Variants in SLC35F4 observed in about 807,000 individuals in gnomAD.
The protein encoded by SLC35F4 is solute carrier family 35 member F4.
Under a neutral mutation model 44.2 loss-of-function variants are expected in SLC35F4, and 24 were observed. That is an observed-to-expected ratio of 0.54 (90% CI 0.39 to 0.76). The LOEUF is 0.76. Among genes scored for constraint, SLC35F4 ranks in the 30% least tolerant of loss-of-function variants. The pLI, the probability that SLC35F4 is intolerant of heterozygous loss-of-function variation, is 0.00. For synonymous variants in SLC35F4, 238 were observed against 223.6 expected, an observed-to-expected ratio of 1.06 and a Z score of -0.57; for missense variants, 562 against 586.1, an observed-to-expected ratio of 0.96 and a Z score of 0.42.
intron 1 of SLC35F4, among the ~76,000 whole-genome samples, chr14:57,599,480 G>A (rs890432735): frequency 2.8e-4 from 42 of 152,306 alleles, no homozygotes; most frequent in Non-Finnish European, 1.5e-4. Context: ...AGAGGGTAGG[G>A]CAGTATTCAG....
At chr14:57,616,524 G>A (rs776253329) in intron 1 of SLC35F4, among the ~76,000 whole-genome samples, 1 of 152,170 alleles carries the variant, frequency 6.6e-6, no homozygotes. Flanking sequence ...ATTCCCCAAA[G>A]AGACTGACAA....
chr14:57,857,086 G>A (rs1034118174), intron 1 of SLC35F4, among the ~76,000 whole-genome samples: 3 of 151,878 alleles, frequency 2.0e-5, no homozygotes, highest in African/African-American at 7.3e-5. Context: ...GACCAGCCCG[G>A]CCAACATGGT....
At chr14:57,620,415 C>T (rs1038285530) in intron 1 of SLC35F4, among the ~76,000 whole-genome samples, 1 of 152,102 alleles carries the variant, frequency 6.6e-6, no homozygotes, top group African/African-American at 2.4e-5. Flanking sequence ...AATTTTCAAC[C>T]CAGAATTTCA....
At chr14:57,735,376 G>T (rs954499980) in intron 1 of SLC35F4, among the ~76,000 whole-genome samples, 9 of 152,198 alleles carry the variant, frequency 5.9e-5, no homozygotes, top group African/African-American at 2.2e-4. Context: ...TAATTCTGCA[G>T]GTTGGTGGAG....
chr14:57,880,981 G>C (rs1260953931), intron 1 of SLC35F4, among the ~76,000 whole-genome samples: 1 of 152,154 alleles, frequency 6.6e-6, no homozygotes, highest in Admixed American at 6.6e-5. Flanking sequence ...AATATAATCA[G>C]AGATTTGTTT....
At chr14:57,958,396 A>G (rs1436404123) in intron 1 of SLC35F4, among the ~76,000 whole-genome samples, 1 of 152,204 alleles carries the variant, frequency 6.6e-6, no homozygotes, top group Non-Finnish European at 1.5e-5. Context: ...CAGTGAAAGG[A>G]GCCAGTCACA....
At chr14:57,817,290 A>G (rs977433989) in intron 1 of SLC35F4, among the ~76,000 whole-genome samples, 1 of 152,098 alleles carries the variant, frequency 6.6e-6, no homozygotes, top group Non-Finnish European at 1.5e-5. Context: ...TGGGCCCTTG[A>G]GCCTTAGATG....
intron 1 of SLC35F4, among the ~76,000 whole-genome samples, chr14:57,932,566 G>C (rs551028126): frequency 6.6e-6 from 1 of 152,082 alleles, no homozygotes; most frequent in Non-Finnish European, 1.5e-5. Context: ...TAGAAATTTG[G>C]GACCAGGTGT....
chr14:57,844,177 G>A (rs1207535847), intron 1 of SLC35F4, among the ~76,000 whole-genome samples: 2 of 152,150 alleles, frequency 1.3e-5, no homozygotes, highest in Non-Finnish European at 1.5e-5. Context: ...CACATTTGAG[G>A]AATTTGGAAA....
At chr14:57,672,152 C>T (rs1037085535) in intron 1 of SLC35F4, among the ~76,000 whole-genome samples, 2 of 151,966 alleles carry the variant, frequency 1.3e-5, no homozygotes, top group Non-Finnish European at 2.9e-5. Flanking sequence ...TGAGGTGGAC[C>T]GAGTCACCTC....
rs572983436 is a variant in SLC35F4 at position 57,932,997 on chromosome 14, T to C, written n.282+48916A>G. Among the ~76,000 whole-genome samples, 78 of 151,874 alleles carry C rather than the reference T, an allele frequency of 5.1e-4. 1 individual carries two copies. The highest frequency in any genetic ancestry group is 7.9e-4 in the Non-Finnish European group (54 of 67,946). On this transcript the variant is annotated intron_variant and non_coding_transcript_variant, in intron 1 of 1. Coordinates refer to the SLC35F4 transcript ENST00000556568. The stretch of plus-strand genomic sequence containing the variant: ...TCATTCCCCCATTTTCCTGCTGAAA[T>C]CAACCTCGGAAGGTTAATAAGGGAA...
intron 1 of SLC35F4, among the ~76,000 whole-genome samples, chr14:57,712,231 A>G (rs2075833572): frequency 6.6e-6 from 1 of 152,206 alleles, no homozygotes; most frequent in African/African-American, 2.4e-5. Context: ...TCTGCTACTG[A>G]ATCCCTATTT....
intron 1 of SLC35F4, among the ~76,000 whole-genome samples, chr14:57,679,510 G>A (rs961488571): frequency 6.6e-6 from 1 of 151,892 alleles, no homozygotes; most frequent in African/African-American, 2.4e-5. Context: ...CAGAAGACAA[G>A]AAATAACTAA....
chr14:57,681,012 A>G (rs1415591885), intron 1 of SLC35F4, among the ~76,000 whole-genome samples: 1 of 151,824 alleles, frequency 6.6e-6, no homozygotes, highest in Non-Finnish European at 1.5e-5. Context: ...AGAATTGGAA[A>G]AAAACTACCT....
chr14:57,786,377 C>T (rs769060698), intron 1 of SLC35F4, among the ~76,000 whole-genome samples: 3 of 152,182 alleles, frequency 2.0e-5, no homozygotes, highest in African/African-American at 4.8e-5. Flanking sequence ...GGGAGTTCTA[C>T]GGCCCCGCCC....
chr14:57,594,007 A>C lies in SLC35F4; in HGVS notation c.221T>G (p.Ile74Ser). Residue 74 changes from isoleucine (I) to serine (S), a missense_variant, in exon 2 of 8, where the codon ATT (isoleucine) becomes AGT (serine). Physicochemically the swap from Ile to Ser is moderately radical, Grantham distance 142. Transcript: ENST00000556826. ...GGATCCTTGGTTTTGAAGTTCAAGA[A>C]TAGGAGCAGAGGAATCTTCGGTGAC... ...LSVTEDSSAP[I>S]LELQNQGSSG... 1 of 1,613,924 alleles carries C rather than the reference A, an allele frequency of 6.2e-7. No homozygotes were observed. Among genetic ancestry groups the C allele is most frequent in the Non-Finnish European group, 8.5e-7 (1 of 1,179,864 alleles).
chr14:57,904,246 T>C (rs1889066707), intron 1 of SLC35F4, among the ~76,000 whole-genome samples: 1 of 152,222 alleles, frequency 6.6e-6, no homozygotes, highest in South Asian at 2.1e-4. Flanking sequence ...GTTATACTAA[T>C]GTGCATTTAT....
intron 1 of SLC35F4, among the ~76,000 whole-genome samples, chr14:57,731,509 C>T (rs1363182801): frequency 6.6e-6 from 1 of 152,078 alleles, no homozygotes; most frequent in East Asian, 1.9e-4. Context: ...CTTTTTCTTT[C>T]ATTCTACAGC....
chr14:57,880,040 GGAAGGA>G (rs1888492381), intron 1 of SLC35F4, among the ~76,000 whole-genome samples: 55 of 2,402 alleles, frequency 0.023, no homozygotes, highest in Non-Finnish European at 0.074. Context: ...GAGGGAGGAA[GGAAGGA>G]AGGAAGGAAG....
Sources: allele counts gnomAD v4.1 joint callset (sites outside exome capture counted in the v4.1 genomes callset), GRCh38; gene constraint gnomAD v4.1.1; transcripts MANE v1.5; gene names NCBI Gene and HGNC (gene_info 2026-07-23, HGNC 2026-07-21).